Variants in MTAP observed in about 807,000 individuals in gnomAD.
MTAP encodes S-methyl-5'-thioadenosine phosphorylase.
MTAP carries 33 observed loss-of-function variants against 33.6 expected under a neutral mutation model. The observed-to-expected ratio is 0.98, with a 90% CI of 0.74 to 1.31. MTAP has a LOEUF of 1.31. MTAP is among the 40% of genes most tolerant of loss of function. The pLI, the probability that MTAP is intolerant of heterozygous loss-of-function variation, is 0.00. For synonymous variants in MTAP, 148 were observed against 125.7 expected (o/e 1.18, Z -1.19); for missense variants, 367 against 360.0 (o/e 1.02, Z -0.16).
intron 1 of MTAP, among the ~76,000 whole-genome samples, chr9:21,921,706 C>G (rs1359730399): frequency 6.6e-6 from 1 of 152,176 alleles, no homozygotes; most frequent in African/African-American, 2.4e-5. Context: ...AGCAGTGGCT[C>G]ACACCTGTAA....
At chr9:21,815,579 GATT>G in intron 2 of MTAP, 60 bp downstream of exon 2, 1 of 910,134 alleles carries the variant, frequency 1.1e-6, no homozygotes, top group Non-Finnish European at 1.6e-6. Context: ...TTGCTGGCTT[GATT>G]TTTGAATTAA....
intron 5 of MTAP, among the ~76,000 whole-genome samples, chr9:21,844,736 A>G (rs1274757736): frequency 6.6e-6 from 1 of 152,222 alleles, no homozygotes; most frequent in Non-Finnish European, 1.5e-5. Flanking sequence ...ACCTCAAGGT[A>G]ATAAAAGCCA....
intron 1 of MTAP, among the ~76,000 whole-genome samples, chr9:21,891,420 G>A (rs1310291118): frequency 1.3e-5 from 2 of 152,066 alleles, no homozygotes; most frequent in African/African-American, 2.4e-5. Context: ...AGAGCTAAAA[G>A]ATCAAAATAG....
At chr9:21,832,451 C>A (rs1429138573) in intron 4 of MTAP, among the ~76,000 whole-genome samples, 1 of 152,160 alleles carries the variant, frequency 6.6e-6, no homozygotes, top group Admixed American at 6.5e-5. Context: ...CTGTTTTTAA[C>A]CCTTACTGTT....
chr9:21,932,953 A>T (rs1281420626), downstream of MTAP: 1 of 152,184 alleles, frequency 6.6e-6, no homozygotes, highest in Non-Finnish European at 1.5e-5. Context: ...TTTGAAGACA[A>T]AAAGTTAGAA....
intron 1 of MTAP, among the ~76,000 whole-genome samples, chr9:21,878,534 G>A (rs113585211): frequency 0.028 from 4,230 of 151,930 alleles, 160 homozygotes; most frequent in African/African-American, 0.095. Context: ...GCTAATTTTT[G>A]TATTTTGGGT....
chr9:21,933,599 C>A (rs1818997863), downstream of MTAP: 1 of 152,142 alleles, frequency 6.6e-6, no homozygotes, highest in African/African-American at 2.4e-5. Flanking sequence ...ATAAAAAAAT[C>A]TTGTTTTTTC....
intron 1 of MTAP, among the ~76,000 whole-genome samples, chr9:21,895,487 G>T (rs1332216842): frequency 6.6e-6 from 1 of 152,190 alleles, no homozygotes; most frequent in African/African-American, 2.4e-5. Context: ...CAGACAGTGG[G>T]TGCAGCCCAC....
chr9:21,824,699 T>G (rs889708518), intron 4 of MTAP, among the ~76,000 whole-genome samples: 1 of 152,124 alleles, frequency 6.6e-6, no homozygotes, highest in Non-Finnish European at 1.5e-5. Flanking sequence ...GCCCCCAGAG[T>G]TGGAGTCTAC....
chr9:21,897,914 G>C (rs375820602), intron 1 of MTAP, among the ~76,000 whole-genome samples: 1 of 152,052 alleles, frequency 6.6e-6, no homozygotes, highest in Admixed American at 6.6e-5. Context: ...AAAAGAGCCC[G>C]CATTGCCAAG....
intron 4 of MTAP, among the ~76,000 whole-genome samples, chr9:21,822,713 T>C (rs1824677942): frequency 6.6e-6 from 1 of 152,220 alleles, no homozygotes; most frequent in Non-Finnish European, 1.5e-5. Context: ...TTGATCTGTC[T>C]AATGTTGACA....
Position 21,838,010 on chromosome 9 carries a change from G to A in MTAP, c.450G>A (p.Glu150=), listed in dbSNP as rs1313837918. Residue 150 remains glutamate (E), a splice_region_variant and synonymous_variant, in exon 5 of 8, where the codon GAG becomes GAA. Coordinates refer to ENST00000644715, the MANE Select transcript of MTAP (RefSeq NM_002451.4). The part of the protein sequence containing the change: ...MAEPFCPKTR[E]VLIETAKKLG... ...AGCCGTTTTGCCCCAAAACGAGAGA[G>A]GTGTGTAGTCTTTCTGGAAGGTGTA... The A allele has an allele frequency of 6.2e-7, 1 of 1,612,514 alleles. No individual in the cohort carries two copies. Among genetic ancestry groups the A allele is most frequent in the African/African-American group, 1.3e-5 (1 of 74,870 alleles).
intron 1 of MTAP, among the ~76,000 whole-genome samples, chr9:21,896,049 A>G (rs546943523): frequency 1.3e-5 from 2 of 152,354 alleles, no homozygotes; most frequent in East Asian, 3.9e-4. Context: ...AACAGAAATT[A>G]TAACAAACTG....
At chr9:21,901,374 AT>A (rs34617577) in intron 1 of MTAP, among the ~76,000 whole-genome samples, 1 of 152,208 alleles carries the variant, frequency 6.6e-6, no homozygotes, top group Non-Finnish European at 1.5e-5. Context: ...AACAAAAACA[AT>A]TTTAAGTTTA....
chr9:21,869,148 A>G (rs1158148606), downstream of MTAP, among the ~76,000 whole-genome samples: 3 of 152,106 alleles, frequency 2.0e-5, no homozygotes, highest in Non-Finnish European at 4.4e-5. Context: ...CCCCAATTCT[A>G]TGTGCTGGCT....
intron 1 of MTAP, among the ~76,000 whole-genome samples, chr9:21,897,225 G>A (rs1308084621): frequency 1.3e-5 from 2 of 152,258 alleles, no homozygotes; most frequent in Non-Finnish European, 1.5e-5. Context: ...TTGATGGGAT[G>A]TATCTCAAAA....
rs550791295 is a variant in MTAP at position 21,890,105 on chromosome 9, G to A, written c.147+35235G>A. On this transcript the variant is annotated intron_variant, in intron 1 of 1. Transcript: ENST00000577563. The stretch of plus-strand genomic sequence containing the variant: ...GTGTCTGAGCTCAGACTCTCCTTGG[G>A]TGGGGCTTGCTGTGGCTGCTGTGGG... 1.3e-3 allele frequency among the ~76,000 whole-genome samples: 194 copies of A among 152,200 alleles called. 5 individuals carry two copies. The Middle Eastern group carries it at 0.031, about 24-fold the overall frequency.
At chr9:21,903,752 G>A (rs1490555053) in intron 1 of MTAP, among the ~76,000 whole-genome samples, 1 of 152,122 alleles carries the variant, frequency 6.6e-6, no homozygotes, top group East Asian at 1.9e-4. Context: ...AAACCTCTAG[G>A]GAAGCATACA....
chr9:21,834,736 C>G (rs1825060157), intron 4 of MTAP, among the ~76,000 whole-genome samples: 1 of 152,214 alleles, frequency 6.6e-6, no homozygotes, highest in African/African-American at 2.4e-5. Context: ...ATTTTAAAGT[C>G]AGCTTGTTAG....
Sources: gnomAD v4.1 joint callset for allele counts (sites outside exome capture counted in the v4.1 genomes callset) on GRCh38, gnomAD v4.1.1 for gene constraint, MANE v1.5 for transcripts, NCBI Gene and HGNC (gene_info 2026-07-23, HGNC 2026-07-21) for gene names.